The following DDHD1 variants were observed in gnomAD, a reference collection of about 807,000 sequenced individuals.
The protein encoded by DDHD1 is DDHD domain containing 1.
A neutral mutation model predicts 96.4 loss-of-function variants in DDHD1; 49 were observed. That is an observed-to-expected ratio of 0.51 (90% CI 0.40 to 0.64). The LOEUF is 0.64. DDHD1 is among the 30% of genes least tolerant of loss of function. DDHD1 has a pLI of 0.00. For synonymous variants in DDHD1, 442 were observed against 446.5 expected, an observed-to-expected ratio of 0.99 and a Z score of 0.13; for missense variants, 1,106 against 1,161.2, an observed-to-expected ratio of 0.95 and a Z score of 0.69.
intron 1 of DDHD1, among the ~76,000 whole-genome samples, chr14:53,132,008 T>G (rs1889899564): frequency 6.6e-6 from 1 of 152,162 alleles, no homozygotes; most frequent in Admixed American, 6.5e-5. Flanking sequence ...GGTTAGGTAC[T>G]TTCGCCTTTA....
Position 53,061,116 on chromosome 14 carries a change from C to G in DDHD1, c.1842+10G>C. On this transcript the variant is annotated intron_variant, in intron 8 of 12. Transcript: ENST00000673822. Reference sequence around the variant, plus strand: ...GATCAATGTTGAAGAACACATTGCTCTTTCCTTACCTTAAATTTTAAGGCA... The same window carrying G: ...GATCAATGTTGAAGAACACATTGCTGTTTCCTTACCTTAAATTTTAAGGCA... 1 of 1,604,762 alleles carries G rather than the reference C, an allele frequency of 6.2e-7. No homozygotes were observed. The highest frequency in any genetic ancestry group is 8.5e-7 in the Non-Finnish European group (1 of 1,177,714).
At chr14:53,105,124 C>A (rs951678196) in intron 1 of DDHD1, among the ~76,000 whole-genome samples, 1 of 151,880 alleles carries the variant, frequency 6.6e-6, no homozygotes, top group African/African-American at 2.4e-5. Flanking sequence ...AGCTTGTAAT[C>A]ATAAATTTTA....
intron 4 of DDHD1, among the ~76,000 whole-genome samples, chr14:53,075,242 T>A (rs10150487): frequency 1.3e-5 from 2 of 152,118 alleles, no homozygotes; most frequent in Non-Finnish European, 2.9e-5. Flanking sequence ...TTGCACCAGG[T>A]AGCCAATTTG....
chr14:53,038,417 A>T lies in DDHD1; in HGVS notation c.*8351T>A, dbSNP rs10135166. The stretch of plus-strand genomic sequence containing the variant: ...AATCAAGAACCCAATACCATTTACA[A>T]TAGCCATAAAAAAACTGAAATACTT... On this transcript the variant is annotated 3_prime_UTR_variant, in exon 13 of 13. Coordinates refer to ENST00000673822, the MANE Select transcript of DDHD1 (RefSeq NM_001160148.2). The T allele has an allele frequency of 6.6e-6, 1 of 151,912 alleles. No homozygotes were observed. Among genetic ancestry groups the T allele is most frequent in the Non-Finnish European group, 1.5e-5 (1 of 67,972 alleles). The allele number at this position is 151,912 out of a possible 1,614,324, so 9.4% of individuals were successfully genotyped here.
intron 8 of DDHD1, among the ~76,000 whole-genome samples, chr14:53,060,280 A>G (rs1883436695): frequency 6.6e-6 from 1 of 152,198 alleles, no homozygotes; most frequent in Non-Finnish European, 1.5e-5. Flanking sequence ...CCTTTCCAAT[A>G]GTCTAGTCAA....
At chr14:53,152,092 G>A (rs931994034) in intron 1 of DDHD1, among the ~76,000 whole-genome samples, 169 bp downstream of exon 1, 1 of 152,106 alleles carries the variant, frequency 6.6e-6, no homozygotes. Context: ...CCATCTGCTC[G>A]TTTACCCTTC....
chr14:53,059,128 G>A (rs917641529), intron 8 of DDHD1, among the ~76,000 whole-genome samples: 2 of 152,304 alleles, frequency 1.3e-5, no homozygotes, highest in East Asian at 3.9e-4. Flanking sequence ...AGTAAAAGAC[G>A]AGAAAGGTTT....
At chr14:53,104,907 T>C (rs1411168544) in intron 1 of DDHD1, among the ~76,000 whole-genome samples, 2 of 152,100 alleles carry the variant, frequency 1.3e-5, no homozygotes, top group Non-Finnish European at 2.9e-5. Flanking sequence ...CATTTGTACA[T>C]ACATATTTGG....
chr14:53,052,175 G>C (rs940835328), intron 11 of DDHD1, among the ~76,000 whole-genome samples: 9 of 151,998 alleles, frequency 5.9e-5, no homozygotes, highest in African/African-American at 2.2e-4. Flanking sequence ...AGCTAATTTA[G>C]TTCCTAACCT....
intron 1 of DDHD1, among the ~76,000 whole-genome samples, chr14:53,112,392 G>A (rs886507146): frequency 1.3e-5 from 2 of 151,440 alleles, no homozygotes; most frequent in Non-Finnish European, 2.9e-5. Flanking sequence ...ACTCTAGCCT[G>A]GCAACAGAGC....
In DDHD1 at chr14:53,054,601, T is replaced by C. The variant is rs1882881772; in HGVS notation, c.2274A>G (p.Gly758=). The C allele has an allele frequency of 1.9e-6, 3 of 1,614,028 alleles. No homozygotes were observed. Among genetic ancestry groups the C allele is most frequent in the East Asian group, 2.2e-5 (1 of 44,882 alleles). Residue 758 remains glycine (G), a synonymous_variant, in exon 11 of 13, where the codon GGA becomes GGG. Transcript: ENST00000673822. ...GTCCAAATCTTGAGAACAACATTCC[T>C]CCAAGTCCCTTTCCAATGCTAGCAG... The part of the protein sequence containing the change: ...LGAASIGKGL[G]GMLFSRFGRS...
rs7143353 is a variant in DDHD1, at chr14:53,084,823, T to C, written c.1289+6962A>G. 9.5e-3 allele frequency among the ~76,000 whole-genome samples: 1,440 copies of C among 152,270 alleles called. 27 individuals carry two copies. The highest frequency in any genetic ancestry group is 0.032 in the African/African-American group (1,342 of 41,556). Reference sequence around the variant, plus strand: ...GGGCAAGCCGAAGCAGGGTGGGGCATTGCCTCACCCAGGAGGCGCAAGGGG... The same window carrying C: ...GGGCAAGCCGAAGCAGGGTGGGGCACTGCCTCACCCAGGAGGCGCAAGGGG... On this transcript the variant is annotated intron_variant, in intron 4 of 12. Transcript: ENST00000673822.
At position 53,039,220 on chromosome 14, in the gene DDHD1, C is replaced by T. The variant is rs1041761690; in HGVS notation, c.*7548G>A. 1 of 152,186 alleles carries T rather than the reference C, an allele frequency of 6.6e-6. No individual in the cohort carries two copies. The highest frequency in any genetic ancestry group is 2.1e-4 in the South Asian group (1 of 4,832). 9.4% of individuals were successfully genotyped at this position (152,186 alleles called of 1,614,324 possible). A position where few individuals can be genotyped will look rare whatever the true frequency, so the allele number is the denominator to read the frequency against. ...CCTTTTCATGGCAGATGCACATAAT[C>T]CATGTCACAGGAAAGGGTGGAGTTT... On this transcript the variant is annotated 3_prime_UTR_variant, in exon 13 of 13. Transcript: ENST00000673822.
intron 1 of DDHD1, among the ~76,000 whole-genome samples, chr14:53,131,857 TCAA>T (rs1199827300): frequency 4.0e-5 from 6 of 151,854 alleles, no homozygotes; most frequent in African/African-American, 1.5e-4. Flanking sequence ...CCTCCAAAGC[TCAA>T]ATTTCTTCCC....
At chr14:53,055,515 A>G (rs2139838909) in intron 10 of DDHD1, 145 bp downstream of exon 10, 2 of 787,956 alleles carry the variant, frequency 2.5e-6, no homozygotes, top group Non-Finnish European at 4.0e-6. Context: ...TGGGCCTCAA[A>G]TATGAACATT....
chr14:53,055,994 G>A, intron 9 of DDHD1, 82 bp from the exon 10 acceptor site: 1 of 1,171,610 alleles, frequency 8.5e-7, no homozygotes, highest in Non-Finnish European at 1.2e-6. Context: ...TTACTCTACT[G>A]CATGTTAAGT....
intron 1 of DDHD1, among the ~76,000 whole-genome samples, chr14:53,137,639 G>C (rs1245787740): frequency 1.3e-5 from 2 of 151,858 alleles, no homozygotes; most frequent in Non-Finnish European, 2.9e-5. Flanking sequence ...AAATCACAGG[G>C]CTACAGGGCA....
At chr14:53,075,936 A>AG (rs2139927444) in intron 4 of DDHD1, among the ~76,000 whole-genome samples, 1 of 152,220 alleles carries the variant, frequency 6.6e-6, no homozygotes, top group Non-Finnish European at 1.5e-5. Flanking sequence ...CCTACTGCTC[A>AG]GAAAAAAAAA....
rs907736393 is a variant in DDHD1, at chr14:53,153,051, G to C, written c.48C>G (p.Gly16=). ...CCCAGGCGCCGCCGCCGCCGCCTCG[G>C]CCGTTATGCTCGGGGCTCCGTGGGG... ...RGSPRSPEHN[G]RGGGGGAWEL... is the part of the protein sequence containing the mutation. The change falls in exon 1 of 13, where the codon GGC becomes GGG. Residue 16 remains glycine, a synonymous_variant. Transcript: ENST00000673822. 2.5e-5 allele frequency: 38 copies of C among 1,492,390 alleles called. No individual in the cohort carries two copies. The highest frequency in any genetic ancestry group is 3.4e-5 in the Non-Finnish European group (38 of 1,128,064). 92.4% of individuals were successfully genotyped at this position (1,492,390 alleles called of 1,614,324 possible). A position where few individuals can be genotyped will look rare whatever the true frequency, so the allele number is the denominator to read the frequency against.
Sources: gnomAD v4.1 joint callset for allele counts (sites outside exome capture counted in the v4.1 genomes callset) on GRCh38, gnomAD v4.1.1 for gene constraint, MANE v1.5 for transcripts, NCBI Gene and HGNC (gene_info 2026-07-23, HGNC 2026-07-21) for gene names.